TBCB: variants seen among roughly 807,000 people sequenced by gnomAD.
TBCB encodes tubulin folding cofactor B, also known as tubulin-folding cofactor B.
In TBCB, 18 loss-of-function variants were observed where a neutral mutation model predicts 29.2. The ratio of observed to expected loss-of-function variants is 0.62; its 90% CI spans 0.43 to 0.91. The LOEUF (loss-of-function observed/expected upper bound fraction) is 0.91. TBCB is among the 40% of genes least tolerant of loss of function. The pLI is 0.00. For synonymous variants in TBCB, 172 were observed against 137.8 expected (o/e 1.25, Z -1.74); for missense variants, 336 against 337.6 (o/e 1.00, Z 0.04).
rs769747933 is a variant in TBCB, at chr19:36,120,686, C to G, written c.259-24C>G. The G allele has an allele frequency of 1.3e-5, 21 of 1,612,064 alleles. No homozygotes were observed. In the Admixed American group the frequency reaches 3.5e-4, roughly 27 times the overall value. On this transcript the variant is annotated intron_variant, in intron 2 of 5. Coordinates refer to ENST00000221855, the MANE Select transcript of TBCB (RefSeq NM_001281.3). ...GCCTCCCTGGCCAGACCCTGATCCCCACGGAGCCCCTCCCCTCACACAGGT... is the reference window on the plus strand; with the variant it reads ...GCCTCCCTGGCCAGACCCTGATCCCGACGGAGCCCCTCCCCTCACACAGGT...
rs375476178 is a variant in TBCB, at chr19:36,120,825, C to T, written c.355+19C>T. The T allele has an allele frequency of 3.6e-4, 575 of 1,612,294 alleles. No homozygotes were observed. The highest frequency in any genetic ancestry group is 4.4e-4 in the Non-Finnish European group (520 of 1,178,988). ...AGGCAAGGTACGGGCAGGTGGGCGT[C>T]GAGGGGTGCGTGGGGGCCAGAGGGA... is the stretch of plus-strand genomic sequence containing the variant. On this transcript the variant is annotated intron_variant, in intron 3 of 5. Transcript: ENST00000221855.
rs1974054940 is a variant in TBCB at position 36,121,692 on chromosome 19, C to T, written c.521C>T (p.Pro174Leu). The T allele has an allele frequency of 8.4e-6, 13 of 1,554,020 alleles. No individual in the cohort carries two copies. The highest frequency in any genetic ancestry group is 1.0e-5 in the Non-Finnish European group (12 of 1,150,154). ...GAGGTGCGGGCGGCGGGACAATCCC[C>T]TCGCCGGGGCACCGTCATGTATGTA... The part of the protein sequence containing the change: ...RCEVRAAGQS[P>L]RRGTVMYVGL... Residue 174 changes from proline to leucine, a missense_variant, in exon 4 of 6, where the codon CCT becomes CTT. Transcript: ENST00000221855.
chr19:36,121,868 G>A, intron 4 of TBCB, 150 bp downstream of exon 4: 3 of 1,028,790 alleles, frequency 2.9e-6, no homozygotes, highest in East Asian at 5.2e-5. Context: ...GGAGGTGACG[G>A]AACCATCTGC....
At chr19:36,118,637 A>C (rs1453441114) in intron 2 of TBCB, 1 of 150,816 alleles carries the variant, frequency 6.6e-6, no homozygotes, top group East Asian at 2.0e-4. Context: ...CTGAGATCAC[A>C]CCACTGCACT....
chr19:36,123,012 G>A (rs766834719), intron 4 of TBCB, among the ~76,000 whole-genome samples: 1 of 152,036 alleles, frequency 6.6e-6, no homozygotes, highest in African/African-American at 2.4e-5. Flanking sequence ...TCTCTAATTT[G>A]CCGATTCTGG....
At chr19:36,124,493 A>G (rs956226841) in intron 4 of TBCB, among the ~76,000 whole-genome samples, 2 of 152,080 alleles carry the variant, frequency 1.3e-5, no homozygotes, top group Non-Finnish European at 2.9e-5. Flanking sequence ...CCAAAGTGCT[A>G]GGATTACAAA....
intron 3 of TBCB, 147 bp downstream of exon 3, chr19:36,120,953 T>C: frequency 1.7e-6 from 1 of 589,918 alleles, no homozygotes; most frequent in South Asian, 2.1e-5. Flanking sequence ...GGGGTGAGGC[T>C]GGGAGTGGGG....
At chr19:36,121,501 C>T in intron 3 of TBCB, 26 bp from the exon 4 acceptor site, 1 of 1,541,342 alleles carries the variant, frequency 6.5e-7, no homozygotes, top group Non-Finnish European at 8.7e-7. Context: ...GACACCCCAA[C>T]TGACCCCAGC....
In TBCB at chr19:36,121,561, C is replaced by T. The variant is rs747265303; in HGVS notation, c.390C>T (p.Leu130=). The change falls in exon 4 of 6, where the codon CTC becomes CTT. Residue 130 remains leucine, a synonymous_variant. Transcript: ENST00000221855. ...TVRSFLKRSK[L]GRYNEEERAQ... ...GCTCTTTCCTGAAGCGCAGCAAGCT[C>T]GGCCGGTACAACGAGGAGGAGCGGG... is the stretch of plus-strand genomic sequence containing the variant. The T allele has an allele frequency of 4.5e-6, 7 of 1,560,562 alleles. No individual in the cohort carries two copies. In the South Asian group the frequency reaches 5.9e-5, roughly 13 times the overall value.
At position 36,115,523 on chromosome 19, in the gene TBCB, G is replaced by A. The variant is rs1216457040; in HGVS notation, c.-38G>A. ...GCGGCTGCGGAGCGGGTGTGAGGCGGCTGGACCGCGCTGCAGGCATCCGCA... is the reference window on the plus strand; with the variant it reads ...GCGGCTGCGGAGCGGGTGTGAGGCGACTGGACCGCGCTGCAGGCATCCGCA... On this transcript the variant is annotated 5_prime_UTR_variant, in exon 1 of 6. Coordinates refer to ENST00000221855, the MANE Select transcript of TBCB (RefSeq NM_001281.3). 1.3e-5 allele frequency: 20 copies of A among 1,517,586 alleles called. No individual in the cohort carries two copies. Among genetic ancestry groups the A allele is most frequent in the South Asian group, 2.4e-5 (2 of 84,026 alleles). 94.0% of individuals were successfully genotyped at this position (1,517,586 alleles called of 1,614,324 possible).
intron 2 of TBCB, among the ~76,000 whole-genome samples, chr19:36,119,312 T>C (rs1230346589): frequency 1.3e-5 from 2 of 152,234 alleles, no homozygotes; most frequent in South Asian, 4.1e-4. Flanking sequence ...TATTTTGCCA[T>C]GTTAGCCCAG....
In TBCB at chr19:36,115,687, G is replaced by T. The variant is rs1240665483; in HGVS notation, c.114+13G>T. On this transcript the variant is annotated intron_variant, in intron 1 of 5. Coordinates refer to ENST00000221855, the MANE Select transcript of TBCB (RefSeq NM_001281.3). The stretch of plus-strand genomic sequence containing the variant: ...CGCTGAGTTCAAGGTGTGGCCATGG[G>T]GGCGGGGTCCGGAGGGGCGGGGCGA... 1.9e-6 allele frequency: 3 copies of T among 1,580,288 alleles called. No homozygotes were observed. Among genetic ancestry groups the T allele is most frequent in the Non-Finnish European group, 2.6e-6 (3 of 1,162,480 alleles).
intron 5 of TBCB, 36 bp from the exon 6 acceptor site, chr19:36,125,632 T>C (rs774835365): frequency 1.2e-6 from 2 of 1,604,334 alleles, no homozygotes; most frequent in South Asian, 1.1e-5. Context: ...CATGTGAGGG[T>C]CCTCTGACCA....
chr19:36,117,972 G>A (rs1327050264), intron 2 of TBCB: 1 of 151,614 alleles, frequency 6.6e-6, no homozygotes, highest in Non-Finnish European at 1.5e-5. Flanking sequence ...CACCATGTTA[G>A]TCAGACTGGT....
Position 36,123,579 on chromosome 19 carries a change from T to C in TBCB, c.547+1861T>C, listed in dbSNP as rs576200699. ...CATGCTAGGCCTGAACATTCTTTTA[T>C]AAATTTCTGTGTGGCTGGGCATGGT... On this transcript the variant is annotated intron_variant, in intron 4 of 5. Transcript: ENST00000221855. Among the ~76,000 whole-genome samples, 5 of 152,178 alleles carry C rather than the reference T, an allele frequency of 3.3e-5. No individual in the cohort carries two copies. In the South Asian group the frequency reaches 8.3e-4, roughly 25 times the overall value.
chr19:36,115,941 T>TG lies in TBCB; in HGVS notation c.115-94dup, dbSNP rs890116333. ...GGATTGCGGCCCCGTGCGTCCTGAC[T>TG]GGGGGGTCTTTTGGAGGAAAAGGGA... On this transcript the variant is annotated intron_variant, in intron 1 of 5. Coordinates refer to ENST00000221855, the MANE Select transcript of TBCB (RefSeq NM_001281.3). The TG allele has an allele frequency of 5.4e-6, 8 of 1,489,816 alleles. No homozygotes were observed. In the African/African-American group the frequency reaches 1.1e-4, roughly 20 times the overall value. The allele number at this position is 1,489,816 out of a possible 1,614,324, so 92.3% of individuals were successfully genotyped here. A position where few individuals can be genotyped will look rare whatever the true frequency, so the allele number is the denominator to read the frequency against.
chr19:36,124,133 T>G (rs748822839), intron 4 of TBCB, among the ~76,000 whole-genome samples: 35 of 152,226 alleles, frequency 2.3e-4, no homozygotes, highest in Non-Finnish European at 3.8e-4. Context: ...TCATCATGGT[T>G]TTGATTTGCA....
chr19:36,115,785 C>T, intron 1 of TBCB, 111 bp downstream of exon 1: 1 of 1,207,402 alleles, frequency 8.3e-7, no homozygotes. Context: ...CGGAGGTGAT[C>T]CCAGGCTGCG....
At chr19:36,120,372 G>A (rs1422263995) in intron 2 of TBCB, 4 of 262,860 alleles carry the variant, frequency 1.5e-5, no homozygotes, top group Non-Finnish European at 3.0e-5. Flanking sequence ...GAGGCCCATC[G>A]AGGAGATGCG....
Sources: gnomAD v4.1 joint callset for allele counts (sites outside exome capture counted in the v4.1 genomes callset) on GRCh38, gnomAD v4.1.1 for gene constraint, MANE v1.5 for transcripts, NCBI Gene and HGNC (gene_info 2026-07-23, HGNC 2026-07-21) for gene names.